The following ASCC3 variants were observed in gnomAD, a reference collection of about 807,000 sequenced individuals.
ASCC3 encodes activating signal cointegrator 1 complex subunit 3.
In ASCC3, 158 loss-of-function variants were observed where a neutral mutation model predicts 256.3. The ratio of observed to expected loss-of-function variants is 0.62; its 90% CI spans 0.54 to 0.70. ASCC3 has a LOEUF of 0.70. Among genes scored for constraint, ASCC3 ranks in the 30% least tolerant of loss-of-function variants. The probability of loss-of-function intolerance (pLI) is 0.00; values close to 1 mark genes in which losing one functional copy is unlikely to be tolerated. For missense variants in ASCC3, 2,259 were observed against 2,626.0 expected (o/e 0.86, Z 3.05); for synonymous variants, 948 against 883.4 (o/e 1.07, Z -1.30).
intron 11 of ASCC3, among the ~76,000 whole-genome samples, chr6:100,723,861 TA>T (rs1562251140): frequency 0.012 from 23 of 1,850 alleles, no homozygotes; most frequent in South Asian, 0.021. Flanking sequence ...ATTAGGGAAT[TA>T]TATATATATA....
chr6:100,709,282 G>A (rs898755017), intron 13 of ASCC3, among the ~76,000 whole-genome samples: 2 of 152,160 alleles, frequency 1.3e-5, no homozygotes, highest in African/African-American at 4.8e-5. Flanking sequence ...AATCACTACA[G>A]TAGCATAATC....
intron 4 of ASCC3, among the ~76,000 whole-genome samples, 186 bp from the exon 5 acceptor site, chr6:100,806,066 G>T (rs4840155): frequency 0.55 from 83,309 of 151,676 alleles, 23,246 homozygotes; most frequent in South Asian, 0.75. Context: ...CTTTATAAAG[G>T]CTTTCTGCAA....
chr6:100,634,603 C>A (rs1280077367), intron 25 of ASCC3, among the ~76,000 whole-genome samples: 1 of 151,184 alleles, frequency 6.6e-6, no homozygotes, highest in Non-Finnish European at 1.5e-5. Flanking sequence ...TATTTTTTTC[C>A]AAAAGAAAAC....
intron 36 of ASCC3, among the ~76,000 whole-genome samples, chr6:100,548,059 T>C (rs560802645): frequency 1.3e-5 from 2 of 149,942 alleles, no homozygotes; most frequent in African/African-American, 2.4e-5. Context: ...AAAACAGGAA[T>C]ACATACACTA....
chr6:100,798,930 T>C (rs1769772009), intron 7 of ASCC3, 92 bp from the exon 8 acceptor site: 24 of 1,160,858 alleles, frequency 2.1e-5, no homozygotes, highest in Admixed American at 1.0e-4. Context: ...AAAACACTAC[T>C]GGTTTTATAA....
At chr6:100,581,777 G>T (rs983951706) in intron 36 of ASCC3, among the ~76,000 whole-genome samples, 2,421 of 151,676 alleles carry the variant, frequency 0.016, 60 homozygotes, top group African/African-American at 0.056. Context: ...GTAAGGAAGG[G>T]ATCCAGTTTC....
intron 16 of ASCC3, among the ~76,000 whole-genome samples, chr6:100,661,136 T>C (rs1212901474): frequency 6.6e-6 from 1 of 151,714 alleles, no homozygotes; most frequent in Non-Finnish European, 1.5e-5. Flanking sequence ...ACTTTAAAGG[T>C]ATGAAAGAAT....
chr6:100,854,679 A>G (rs705597), intron 3 of ASCC3, among the ~76,000 whole-genome samples: 2,349 of 152,314 alleles, frequency 0.015, 56 homozygotes, highest in African/African-American at 0.054. Flanking sequence ...ACCAGCCACT[A>G]TATTACCTTT....
chr6:100,706,070 A>G (rs1012886534), intron 13 of ASCC3, among the ~76,000 whole-genome samples: 7 of 152,032 alleles, frequency 4.6e-5, no homozygotes, highest in Non-Finnish European at 7.4e-5. Context: ...ACTTACATGT[A>G]TAACAAAATA....
At chr6:100,825,380 C>T (rs1287302195) in intron 4 of ASCC3, among the ~76,000 whole-genome samples, 1 of 150,512 alleles carries the variant, frequency 6.6e-6, no homozygotes, top group African/African-American at 2.4e-5. Flanking sequence ...AATGCAACAA[C>T]TTCTTACTAC....
intron 36 of ASCC3, among the ~76,000 whole-genome samples, chr6:100,546,354 T>C (rs1775716888): frequency 6.6e-6 from 1 of 152,180 alleles, no homozygotes; most frequent in Admixed American, 6.5e-5. Flanking sequence ...TTGTGTGTAT[T>C]AGAAATTGAC....
At chr6:100,796,650 G>GT (rs1769631333) in intron 8 of ASCC3, among the ~76,000 whole-genome samples, 2 of 152,110 alleles carry the variant, frequency 1.3e-5, no homozygotes, top group South Asian at 4.1e-4. Context: ...GAAGGCAGAA[G>GT]TAACTACCTG....
chr6:100,661,323 T>TCTCACACACACACACACACA (rs1435976050), intron 16 of ASCC3, among the ~76,000 whole-genome samples: 1 of 141,516 alleles, frequency 7.1e-6, no homozygotes, highest in Non-Finnish European at 1.6e-5. Flanking sequence ...AACACAAAAG[T>TCTCACACACACACACACACA]CACACACACA....
intron 13 of ASCC3, among the ~76,000 whole-genome samples, chr6:100,694,512 C>G (rs1431906587): frequency 1.3e-5 from 2 of 151,992 alleles, no homozygotes; most frequent in African/African-American, 2.4e-5. Context: ...AAAACAGTTT[C>G]ATTGTTTCTA....
rs1562340706 is a variant in ASCC3, at chr6:100,848,291, C to T, written c.658G>A (p.Gly220Ser). Residue 220 changes from glycine to serine, a missense_variant, in exon 4 of 42, where the codon GGC becomes AGC. Around this residue, in one of 2 missense-constraint regions of ASCC3, gnomAD observed 420 missense variants for 419.3 expected, o/e 1.00. Coordinates refer to ENST00000369162, the MANE Select transcript of ASCC3 (RefSeq NM_006828.4). The part of the protein sequence containing the change: ...PELKPVEKTN[G>S]SFLWCEVEKY... ...TCAACTTCACACCACAAAAAGGAGC[C>T]ATTTGTTTTTTCCACAGGCTTGAGT... 1 of 1,613,906 alleles carries T rather than the reference C, an allele frequency of 6.2e-7. No homozygotes were observed. Among genetic ancestry groups the T allele is most frequent in the African/African-American group, 1.3e-5 (1 of 74,888 alleles).
intron 10 of ASCC3, among the ~76,000 whole-genome samples, chr6:100,758,335 C>T (rs994178884): frequency 2.0e-5 from 3 of 152,136 alleles, no homozygotes; most frequent in Non-Finnish European, 2.9e-5. Context: ...TGGTTTCCTG[C>T]ACCTATTGAC....
At chr6:100,584,886 T>A (rs1031925711) in intron 36 of ASCC3, among the ~76,000 whole-genome samples, 3 of 152,198 alleles carry the variant, frequency 2.0e-5, no homozygotes, top group Non-Finnish European at 4.4e-5. Flanking sequence ...GAAAATTCTT[T>A]TAAGAATGTT....
intron 8 of ASCC3, among the ~76,000 whole-genome samples, chr6:100,796,757 T>C (rs1441174254): frequency 5.3e-5 from 8 of 152,184 alleles, no homozygotes; most frequent in Non-Finnish European, 1.2e-4. Flanking sequence ...CAGTTTCTGC[T>C]CTTTAAGCCA....
At chr6:100,671,073 A>G (rs1389021225) in intron 14 of ASCC3, among the ~76,000 whole-genome samples, 1 of 152,088 alleles carries the variant, frequency 6.6e-6, no homozygotes, top group Admixed American at 6.6e-5. Flanking sequence ...AAAGGTGTAT[A>G]TAACATGATG....
Sources: allele counts gnomAD v4.1 joint callset (sites outside exome capture counted in the v4.1 genomes callset), GRCh38; gene constraint gnomAD v4.1.1; regional missense constraint gnomAD v4.1.1; transcripts MANE v1.5; gene names NCBI Gene and HGNC (gene_info 2026-07-23, HGNC 2026-07-21).